Variants in GPR158 observed in about 807,000 individuals in gnomAD.
GPR158 encodes G protein-coupled receptor 158, also known as metabotropic glycine receptor.
Under a neutral mutation model 78.2 loss-of-function variants are expected in GPR158, and 30 were observed. The observed-to-expected ratio is 0.38, with a 90% CI of 0.29 to 0.52. The LOEUF (loss-of-function observed/expected upper bound fraction) is 0.52. GPR158 is among the 20% of genes least tolerant of loss of function. The probability of loss-of-function intolerance (pLI) is 0.83; values close to 1 mark genes in which losing one functional copy is unlikely to be tolerated. For missense variants in GPR158, 1,463 were observed against 1,523.5 expected (o/e 0.96, Z 0.66); for synonymous variants, 581 against 591.1 (o/e 0.98, Z 0.25).
intron 1 of GPR158, among the ~76,000 whole-genome samples, chr10:25,185,171 G>A (rs1026233896): frequency 6.6e-5 from 10 of 152,128 alleles, no homozygotes; most frequent in African/African-American, 2.4e-4. Flanking sequence ...GATACATAAC[G>A]TATAAAATGC....
intron 2 of GPR158, among the ~76,000 whole-genome samples, chr10:25,270,932 G>A (rs903014865): frequency 4.6e-5 from 7 of 152,152 alleles, no homozygotes; most frequent in African/African-American, 1.7e-4. Context: ...TTAGGATAAA[G>A]TCTAAATCCT....
At chr10:25,325,816 G>T (rs1197574453) in intron 2 of GPR158, among the ~76,000 whole-genome samples, 1 of 151,610 alleles carries the variant, frequency 6.6e-6, no homozygotes, top group Non-Finnish European at 1.5e-5. Flanking sequence ...CAAGTGTGAG[G>T]TGATATCTCA....
intron 2 of GPR158, among the ~76,000 whole-genome samples, chr10:25,247,916 G>A (rs1425965824): frequency 1.9e-4 from 28 of 148,480 alleles, no homozygotes; most frequent in African/African-American, 6.9e-4. Context: ...GGTTGAACTA[G>A]TTTACAGTCC....
chr10:25,241,663 C>G (rs1050304282), intron 2 of GPR158, among the ~76,000 whole-genome samples: 2 of 152,090 alleles, frequency 1.3e-5, no homozygotes, highest in Non-Finnish European at 2.9e-5. Flanking sequence ...CTCAGGTGAT[C>G]CCCCCACCTT....
chr10:25,208,290 A>T (rs1163812438), intron 1 of GPR158, among the ~76,000 whole-genome samples: 1 of 152,204 alleles, frequency 6.6e-6, no homozygotes, highest in Non-Finnish European at 1.5e-5. Context: ...AATTTTAGCA[A>T]ATGTTGCATT....
At chr10:25,486,813 A>ATT (rs55940936) in intron 5 of GPR158, among the ~76,000 whole-genome samples, 5 of 150,486 alleles carry the variant, frequency 3.3e-5, no homozygotes, top group Non-Finnish European at 5.9e-5. Context: ...ATGATAGACC[A>ATT]TTTTTTTTTG....
chr10:25,328,026 C>G lies in GPR158; in HGVS notation c.1009-67885C>G, dbSNP rs147096041. Among the ~76,000 whole-genome samples, 283 of 152,212 alleles carry G rather than the reference C, an allele frequency of 1.9e-3. 1 individual carries two copies. Among genetic ancestry groups the G allele is most frequent in the African/African-American group, 6.5e-3 (270 of 41,540 alleles). ...CTGAAGAAAAAGATTTAAAGAATGA[C>G]AGTGTTAACAGTATAACTATAGATA... On this transcript the variant is annotated intron_variant, in intron 2 of 10. Transcript: ENST00000376351.
intron 5 of GPR158, among the ~76,000 whole-genome samples, chr10:25,530,050 T>G (rs936321887): frequency 6.6e-6 from 1 of 152,114 alleles, no homozygotes; most frequent in Non-Finnish European, 1.5e-5. Context: ...CCCTTTTGCC[T>G]CCTCAGCCCT....
At chr10:25,580,290 T>C (rs969759962) in intron 7 of GPR158, among the ~76,000 whole-genome samples, 1 of 152,232 alleles carries the variant, frequency 6.6e-6, no homozygotes, top group Admixed American at 6.5e-5. Context: ...ATTGCCACTA[T>C]AGAAAATACA....
intron 2 of GPR158, among the ~76,000 whole-genome samples, chr10:25,303,955 G>C (rs1854632997): frequency 6.6e-6 from 1 of 152,108 alleles, no homozygotes; most frequent in Non-Finnish European, 1.5e-5. Context: ...CTCCATCCCT[G>C]GTGAGAAGTG....
chr10:25,315,732 TTTTAAA>T (rs1429240867), intron 2 of GPR158, among the ~76,000 whole-genome samples: 11 of 101,358 alleles, frequency 1.1e-4, no homozygotes, highest in African/African-American at 8.4e-4. Context: ...AACTTTAAAG[TTTTAAA>T]GTTAGGAAGG....
chr10:25,448,739 T>C (rs555915651), intron 4 of GPR158, among the ~76,000 whole-genome samples: 64 of 152,350 alleles, frequency 4.2e-4, no homozygotes, highest in African/African-American at 1.5e-3. Flanking sequence ...TATCAATGTA[T>C]GGAAATTCCA....
intron 2 of GPR158, among the ~76,000 whole-genome samples, chr10:25,240,698 G>C (rs1394017265): frequency 6.6e-6 from 1 of 152,182 alleles, no homozygotes; most frequent in Non-Finnish European, 1.5e-5. Flanking sequence ...CATGTACTTT[G>C]TGTTGGATTC....
intron 1 of GPR158, among the ~76,000 whole-genome samples, chr10:25,178,876 A>G (rs1312752810): frequency 6.6e-6 from 1 of 152,252 alleles, no homozygotes; most frequent in Middle Eastern, 3.2e-3. Context: ...TGTAGCAACA[A>G]CAGAAATGGG....
At chr10:25,466,599 T>TC in intron 4 of GPR158, 52 bp from the exon 5 acceptor site, 1 of 1,176,370 alleles carries the variant, frequency 8.5e-7, no homozygotes, top group South Asian at 1.3e-5. Flanking sequence ...GCGTGAATTC[T>TC]CCAGGCTTAG....
At chr10:25,338,429 ATATACGTATTATATATACG>A (rs1454641006) in intron 2 of GPR158, among the ~76,000 whole-genome samples, 1 of 145,366 alleles carries the variant, frequency 6.9e-6, no homozygotes, top group Non-Finnish European at 1.5e-5. Context: ...ATATTATTAT[ATATACGTATTATATATACG>A]TAATATATAT....
At chr10:25,390,798 C>A (rs1834285008) in intron 2 of GPR158, among the ~76,000 whole-genome samples, 1 of 152,182 alleles carries the variant, frequency 6.6e-6, no homozygotes, top group African/African-American at 2.4e-5. Context: ...CAAGGAAATG[C>A]AGAAATTTGC....
At chr10:25,299,822 T>C (rs1216849822) in intron 2 of GPR158, among the ~76,000 whole-genome samples, 1 of 152,160 alleles carries the variant, frequency 6.6e-6, no homozygotes, top group African/African-American at 2.4e-5. Context: ...ATATCAGTTT[T>C]CCTTTTTATT....
chr10:25,587,102 T>C (rs1283862148), intron 7 of GPR158, among the ~76,000 whole-genome samples: 1 of 152,158 alleles, frequency 6.6e-6, no homozygotes, highest in Non-Finnish European at 1.5e-5. Flanking sequence ...GAGAAGTTGG[T>C]CAACAGGAAG....
Sources: gnomAD v4.1 joint callset for allele counts (sites outside exome capture counted in the v4.1 genomes callset) on GRCh38, gnomAD v4.1.1 for gene constraint, MANE v1.5 for transcripts, NCBI Gene and HGNC (gene_info 2026-07-23, HGNC 2026-07-21) for gene names.